FYB2: variants seen among roughly 807,000 people sequenced by gnomAD.
The protein encoded by FYB2 is FYN binding protein 2, also known as FYN-binding protein 2.
FYB2 carries 103 observed loss-of-function variants against 94.1 expected under a neutral mutation model. The observed-to-expected ratio is 1.09, with a 90% confidence interval of 0.93 to 1.29. FYB2 has a LOEUF of 1.29. Among genes scored for constraint, FYB2 ranks in the 50% most tolerant of loss-of-function variants. FYB2 has a pLI of 0.00. For missense variants in FYB2, 896 were observed against 841.5 expected, an observed-to-expected ratio of 1.06 and a Z score of -0.80; for synonymous variants, 293 against 287.9, an observed-to-expected ratio of 1.02 and a Z score of -0.18.
At chr1:56,826,194 G>A in the FYB2 span, among the ~76,000 whole-genome samples, 1 of 152,260 alleles carries the variant, frequency 6.6e-6, no homozygotes, top group African/African-American at 2.4e-5. Context: ...CCTCTATGGG[G>A]GGTTGTAGGT....
intron 5 of FYB2, among the ~76,000 whole-genome samples, chr1:56,761,611 C>T (rs1241071965): frequency 6.6e-6 from 1 of 152,156 alleles, no homozygotes; most frequent in Admixed American, 6.6e-5. Flanking sequence ...CAGCCTGAAT[C>T]ATGTATGCCC....
At chr1:56,733,708 T>A (rs1472617363) in intron 15 of FYB2, among the ~76,000 whole-genome samples, 1 of 152,224 alleles carries the variant, frequency 6.6e-6, no homozygotes, top group Non-Finnish European at 1.5e-5. Flanking sequence ...TCAGTTTCCA[T>A]GCAGTTGTGC....
intron 14 of FYB2, chr1:56,737,539 G>A (rs914362854): frequency 1.6e-4 from 25 of 156,762 alleles, no homozygotes; most frequent in Non-Finnish European, 2.1e-4. Flanking sequence ...CTCCTAGGGG[G>A]GAGAAACAGC....
intron 4 of FYB2, among the ~76,000 whole-genome samples, chr1:56,779,118 G>T (rs1645950979): frequency 6.6e-6 from 1 of 151,962 alleles, no homozygotes; most frequent in Non-Finnish European, 1.5e-5. Flanking sequence ...CTTAGGAGAG[G>T]AGTTTGGAGA....
chr1:56,751,348 T>G, intron 8 of FYB2, 145 bp from the exon 9 acceptor site: 1 of 962,624 alleles, frequency 1.0e-6, no homozygotes, highest in Non-Finnish European at 1.5e-6. Context: ...TACTAGACTC[T>G]AAGTTTCCTG....
chr1:56,739,010 CA>C (rs1034986577), intron 13 of FYB2, among the ~76,000 whole-genome samples: 2 of 151,960 alleles, frequency 1.3e-5, no homozygotes, highest in African/African-American at 4.8e-5. Flanking sequence ...ATGTTCAAAG[CA>C]TGGAGGCATG....
Position 56,791,260 on chromosome 1 carries a change from C to CTTT in FYB2, c.757+793_757+795dup, listed in dbSNP as rs34101290. Reference sequence around the variant, plus strand: ...GGTAGTAAAAAACTACAGTCCTTATCTTTTTTTTTTTTTTAGACAGGATCT... The same window carrying CTTT: ...GGTAGTAAAAAACTACAGTCCTTATCTTTTTTTTTTTTTTTTTAGACAGGATCT... On this transcript the variant is annotated intron_variant, in intron 2 of 19. Transcript: ENST00000343433. 8.2e-4 allele frequency among the ~76,000 whole-genome samples: 118 copies of CTTT among 143,794 alleles called. 2 individuals carry two copies. Among genetic ancestry groups the CTTT allele is most frequent in the South Asian group, 2.7e-3 (12 of 4,432 alleles). 94.3% of individuals were successfully genotyped at this position (143,794 alleles called of 152,430 possible).
intron 6 of FYB2, among the ~76,000 whole-genome samples, chr1:56,756,281 G>C (rs113756909): frequency 1.3e-5 from 2 of 152,040 alleles, no homozygotes; most frequent in African/African-American, 4.8e-5. Flanking sequence ...TATTTTACTG[G>C]GCAAATTGGT....
intron 15 of FYB2, among the ~76,000 whole-genome samples, chr1:56,734,817 AAAAT>A (rs1238513042): frequency 6.6e-6 from 1 of 152,094 alleles, no homozygotes; most frequent in African/African-American, 2.4e-5. Flanking sequence ...AGTATAATAA[AAAAT>A]AAATAAAATA....
In FYB2 at chr1:56,813,794, A is replaced by C. The variant is rs138361275; in HGVS notation, c.9+5488T>G. 6.5e-3 allele frequency among the ~76,000 whole-genome samples: 990 copies of C among 152,340 alleles called. 3 individuals carry two copies. The highest frequency in any genetic ancestry group is 0.02 in the Middle Eastern group (6 of 294). On this transcript the variant is annotated intron_variant, in intron 1 of 19. Coordinates refer to ENST00000343433, the MANE Select transcript of FYB2 (RefSeq NM_001004303.5). ...TATTAATTTATTCAAACCTTGGTTG[A>C]ATGTTAAGATATAGGTACTATTTTT...
the FYB2 span, among the ~76,000 whole-genome samples, chr1:56,825,808 A>G: frequency 6.6e-6 from 1 of 152,192 alleles, no homozygotes; most frequent in Non-Finnish European, 1.5e-5. Context: ...AGTGACCCAC[A>G]AAACCAACTA....
chr1:56,765,484 G>C (rs1440962707), intron 5 of FYB2, among the ~76,000 whole-genome samples: 2 of 152,220 alleles, frequency 1.3e-5, no homozygotes. Flanking sequence ...GCAGCCTGCT[G>C]AGGGTAGATG....
intron 1 of FYB2, among the ~76,000 whole-genome samples, chr1:56,818,507 C>T (rs750828229): frequency 1.5e-4 from 22 of 150,312 alleles, no homozygotes; most frequent in East Asian, 1.2e-3. Context: ...CACATGCACA[C>T]GCACATCAAA....
chr1:56,826,522 T>G, the FYB2 span: 1 of 152,404 alleles, frequency 6.6e-6, no homozygotes, highest in Non-Finnish European at 1.5e-5. Flanking sequence ...CCTATCCCAT[T>G]TTCTCTACCT....
intron 1 of FYB2, among the ~76,000 whole-genome samples, chr1:56,804,717 G>A (rs1424712980): frequency 2.0e-5 from 3 of 152,028 alleles, no homozygotes; most frequent in Non-Finnish European, 2.9e-5. Flanking sequence ...GTGACAGAGT[G>A]AGACTCCATC....
At chr1:56,724,267 TAAAG>T (rs1026806909) in intron 16 of FYB2, among the ~76,000 whole-genome samples, 3 of 151,954 alleles carry the variant, frequency 2.0e-5, no homozygotes, top group South Asian at 2.1e-4. Context: ...ATTAAGAAAA[TAAAG>T]AAAGATGCCA....
chr1:56,768,083 C>T, intron 4 of FYB2, 145 bp from the exon 5 acceptor site: 2 of 600,040 alleles, frequency 3.3e-6, no homozygotes, highest in South Asian at 4.5e-5. Flanking sequence ...ACTACCCCTA[C>T]TCCAAATGCA....
intron 5 of FYB2, among the ~76,000 whole-genome samples, chr1:56,763,865 T>C (rs1645559568): frequency 6.6e-6 from 1 of 152,168 alleles, no homozygotes; most frequent in Non-Finnish European, 1.5e-5. Context: ...TTTTTCTCTG[T>C]CTTTAAGAAG....
At chr1:56,747,883 C>A (rs755978584) in intron 9 of FYB2, among the ~76,000 whole-genome samples, 2 of 152,078 alleles carry the variant, frequency 1.3e-5, no homozygotes, top group Non-Finnish European at 2.9e-5. Flanking sequence ...AAAAGCATTC[C>A]TATTTCTCCA....
Sources: allele counts gnomAD v4.1 joint callset (sites outside exome capture counted in the v4.1 genomes callset), GRCh38; gene constraint gnomAD v4.1.1; transcripts MANE v1.5; gene names NCBI Gene and HGNC (gene_info 2026-07-23, HGNC 2026-07-21).